Variants in CCNB3 observed in about 807,000 individuals in gnomAD.
The protein encoded by CCNB3 is G2/mitotic-specific cyclin-B3.
In CCNB3, 12 loss-of-function variants were observed where a neutral mutation model predicts 68.0. The observed-to-expected ratio is 0.18, with a 90% CI of 0.11 to 0.29. The LOEUF (loss-of-function observed/expected upper bound fraction) is 0.29, where lower values mean the gene tolerates loss of function less well. Ranked by LOEUF, CCNB3 falls within the 10% of genes least tolerant of loss-of-function variation. CCNB3 has a pLI of 1.00. For synonymous variants in CCNB3, 354 were observed against 388.9 expected, an observed-to-expected ratio of 0.91 and a Z score of 1.06; for missense variants, 904 against 993.1, an observed-to-expected ratio of 0.91 and a Z score of 1.21.
chrX:50,297,965 T>TC (rs782615999), intron 5 of CCNB3, among the ~76,000 whole-genome samples: 2 of 111,947 alleles, frequency 1.8e-5, no homozygotes, highest in Non-Finnish European at 3.8e-5. Flanking sequence ...TACTTGTGAT[T>TC]TTTGCACATG....
intron 4 of CCNB3, 38 bp from the exon 5 acceptor site, chrX:50,294,825 T>G: frequency 4.3e-6 from 5 of 1,172,721 alleles, no homozygotes; most frequent in Non-Finnish European, 5.7e-6. Flanking sequence ...TCTTGCCTCC[T>G]TCTTCCCCTG....
intron 8 of CCNB3, among the ~76,000 whole-genome samples, chrX:50,314,329 A>G (rs1223493629): frequency 4.5e-5 from 5 of 111,568 alleles, no homozygotes; most frequent in African/African-American, 1.6e-4. Context: ...GGATAATAGG[A>G]AGGACAGTGT....
rs782418227 is a variant in CCNB3 at position 50,290,031 on chromosome X, T to A, written c.204+1144T>A. ...AAAGAGCCCCTTCCCACACACACACTTGTAAGGTTAGATTAATTTCCTGAC... is the reference window on the plus strand; with the variant it reads ...AAAGAGCCCCTTCCCACACACACACATGTAAGGTTAGATTAATTTCCTGAC... On this transcript the variant is annotated intron_variant, in intron 4 of 12. Coordinates refer to ENST00000376042, the MANE Select transcript of CCNB3 (RefSeq NM_033031.3). Among the ~76,000 whole-genome samples, 3 of 111,828 alleles carry A rather than the reference T, an allele frequency of 2.7e-5. No homozygotes were observed. The South Asian group carries it at 1.1e-3, about 42-fold the overall frequency.
At chrX:50,297,139 T>C (rs1280495798) in intron 5 of CCNB3, among the ~76,000 whole-genome samples, 3 of 111,748 alleles carry the variant, frequency 2.7e-5, no homozygotes, top group Non-Finnish European at 3.8e-5. Flanking sequence ...TTTAATTAGA[T>C]CCCATTTGTC....
intron 8 of CCNB3, among the ~76,000 whole-genome samples, chrX:50,320,096 T>G (rs1029812292): frequency 9.0e-6 from 1 of 110,954 alleles, no homozygotes; most frequent in Non-Finnish European, 1.9e-5. Context: ...GGTTTTTTGT[T>G]TGTTTGTTTT....
chrX:50,281,960 C>T (rs1261102748), intron 1 of CCNB3, among the ~76,000 whole-genome samples: 1 of 111,175 alleles, frequency 9.0e-6, no homozygotes, highest in Admixed American at 9.6e-5. Context: ...GGCTTTCTCA[C>T]CACCCTCTGC....
Position 50,309,266 on chromosome X carries a change from C to T in CCNB3, c.1097C>T (p.Ser366Leu), listed in dbSNP as rs782570615. ...AAAGAGGATTCCCTTGTTAAGGAGT[C>T]GTTAGCCTTTAAGAAGAAGCCTAGC... Reference protein sequence around the residue: ...NFKEDSLVKESLAFKKKPSTE... With the variant: ...NFKEDSLVKELLAFKKKPSTE... The change falls in exon 6 of 13, where the codon TCG becomes TTG. Residue 366 changes from serine (S) to leucine (L), a missense_variant. Around this residue, in one of 2 missense-constraint regions of CCNB3, gnomAD observed 619 missense variants for 609.8 expected, o/e 1.02. Transcript: ENST00000376042. 32 of 1,209,338 alleles carry T rather than the reference C, an allele frequency of 2.6e-5. No homozygotes were observed. The South Asian group carries it at 4.1e-4, about 15-fold the overall frequency.
intron 3 of CCNB3, 21 bp from the exon 4 acceptor site, chrX:50,288,759 T>A (rs1936290571): frequency 8.9e-7 from 1 of 1,122,154 alleles, no homozygotes; most frequent in African/African-American, 1.8e-5. Flanking sequence ...ATATACTCAT[T>A]TACCTCTTTT....
intron 8 of CCNB3, among the ~76,000 whole-genome samples, chrX:50,323,242 A>G (rs1922120312): frequency 9.0e-6 from 1 of 111,530 alleles, no homozygotes; most frequent in South Asian, 3.8e-4. Context: ...TGCAGCCATA[A>G]AAAATGATGA....
At chrX:50,345,153 C>G (rs143473206) in intron 9 of CCNB3, among the ~76,000 whole-genome samples, 228 of 105,291 alleles carry the variant, frequency 2.2e-3, no homozygotes, top group Middle Eastern at 4.8e-3. Context: ...TTTTCCCTCA[C>G]TCACCACCCC....
intron 9 of CCNB3, among the ~76,000 whole-genome samples, chrX:50,345,773 G>T (rs1923373999): frequency 8.9e-6 from 1 of 111,834 alleles, no homozygotes; most frequent in African/African-American, 3.3e-5. Flanking sequence ...AGCAGCGGAA[G>T]AGAGAGGTTC....
At chrX:50,334,163 C>G (rs1458107309) in intron 8 of CCNB3, among the ~76,000 whole-genome samples, 1 of 112,320 alleles carries the variant, frequency 8.9e-6, no homozygotes, top group Non-Finnish European at 1.9e-5. Flanking sequence ...GCACATCTTT[C>G]TCCTTGTGGG....
chrX:50,212,771 A>G (rs1256801774), intron 1 of CCNB3, among the ~76,000 whole-genome samples: 1 of 111,749 alleles, frequency 8.9e-6, no homozygotes, highest in Non-Finnish European at 1.9e-5. Context: ...AAATTGAATC[A>G]TACAATATGT....
At chrX:50,315,184 A>T (rs1249636821) in intron 8 of CCNB3, among the ~76,000 whole-genome samples, 1 of 111,102 alleles carries the variant, frequency 9.0e-6, no homozygotes, top group Non-Finnish European at 1.9e-5. Context: ...CCCAGGTCCT[A>T]TCCCAGACTT....
Position 50,309,217 on chromosome X carries a change from T to C in CCNB3, c.1048T>C (p.Leu350=). Residue 350 remains leucine, a synonymous_variant, in exon 6 of 13, where the codon TTG becomes CTG. Coordinates refer to ENST00000376042, the MANE Select transcript of CCNB3 (RefSeq NM_033031.3). ...EHEMSILKKS[L]ALQKTNFKED... Reference sequence around the variant, plus strand: ...TGAGATGTCCATCTTGAAGAAATCATTGGCCTTGCAGAAGACCAACTTTAA... The same window carrying C: ...TGAGATGTCCATCTTGAAGAAATCACTGGCCTTGCAGAAGACCAACTTTAA... 3 of 1,210,235 alleles carry C rather than the reference T, an allele frequency of 2.5e-6. No individual in the cohort carries two copies. The highest frequency in any genetic ancestry group is 3.0e-5 in the East Asian group (1 of 33,812).
chrX:50,216,005 A>G (rs1427414374), intron 1 of CCNB3, among the ~76,000 whole-genome samples: 5 of 88,417 alleles, frequency 5.7e-5, no homozygotes, highest in African/African-American at 1.8e-4. Flanking sequence ...CTGGAGTGCA[A>G]TGGTGCGGTC....
chrX:50,279,265 A>G (rs1469575865), intron 1 of CCNB3, among the ~76,000 whole-genome samples: 3 of 71,630 alleles, frequency 4.2e-5, no homozygotes, highest in African/African-American at 5.8e-5. Flanking sequence ...ATAAATATAT[A>G]GAGAATATAT....
At chrX:50,316,200 G>A (rs900531796) in intron 8 of CCNB3, among the ~76,000 whole-genome samples, 2 of 111,371 alleles carry the variant, frequency 1.8e-5, no homozygotes, top group African/African-American at 3.3e-5. Context: ...GCCTGCCTCC[G>A]TGTAAGATGT....
In CCNB3 at chrX:50,294,898, A is replaced by C. The variant is rs782327723; in HGVS notation, c.240A>C (p.Glu80Asp). 8.3e-7 allele frequency: 1 copy of C among 1,209,973 alleles called. No individual in the cohort carries two copies. Among genetic ancestry groups the C allele is most frequent in the Non-Finnish European group, 1.1e-6 (1 of 894,460 alleles). ...SQCQPVQPKK[E>D]ANKEFVKVVS... ...GTCAACCTGTCCAGCCCAAGAAAGA[A>C]GCCAATAAAGAGTTTGTAAAAGTTG... The change falls in exon 5 of 13, where the codon GAA becomes GAC. Residue 80 changes from glutamate to aspartate, a missense_variant. Glu to Asp is a conservative substitution (Grantham distance 45, BLOSUM62 2). Transcript: ENST00000376042.
Sources: allele counts gnomAD v4.1 joint callset (sites outside exome capture counted in the v4.1 genomes callset), GRCh38; gene constraint gnomAD v4.1.1; regional missense constraint gnomAD v4.1.1; transcripts MANE v1.5; gene names NCBI Gene and HGNC (gene_info 2026-07-23, HGNC 2026-07-21).